Variants in PTPRS observed in about 807,000 individuals in gnomAD.
PTPRS encodes the protein receptor-type tyrosine-protein phosphatase S.
PTPRS carries 63 observed loss-of-function variants against 215.3 expected under a neutral mutation model. The observed-to-expected ratio is 0.29, with a 90% CI of 0.24 to 0.36. The LOEUF is 0.36. PTPRS is among the 10% of genes least tolerant of loss of function. The pLI is 1.00. For missense variants in PTPRS, 2,258 were observed against 2,825.8 expected, an observed-to-expected ratio of 0.80 and a Z score of 4.56; for synonymous variants, 1,404 against 1,191.4, an observed-to-expected ratio of 1.18 and a Z score of -3.68.
intron 7 of PTPRS, among the ~76,000 whole-genome samples, chr19:5,258,791 T>C (rs2045766431): frequency 6.6e-6 from 1 of 152,252 alleles, no homozygotes; most frequent in African/African-American, 2.4e-5. Flanking sequence ...GTATCAAGTA[T>C]GTTTGAGATC....
chr19:5,248,319 A>T (rs1255614372), intron 9 of PTPRS, among the ~76,000 whole-genome samples: 8 of 151,902 alleles, frequency 5.3e-5, no homozygotes, highest in African/African-American at 1.9e-4. Context: ...AAAAAGAAAG[A>T]GAGAATCTAA....
intron 1 of PTPRS, among the ~76,000 whole-genome samples, chr19:5,316,910 A>T (rs1033760531): frequency 6.6e-6 from 1 of 152,100 alleles, no homozygotes; most frequent in African/African-American, 2.4e-5. Context: ...GGCACCGGGG[A>T]CCTGGCTTCT....
intron 1 of PTPRS, among the ~76,000 whole-genome samples, chr19:5,306,354 AG>A (rs1410796433): frequency 6.6e-6 from 1 of 152,066 alleles, no homozygotes; most frequent in Non-Finnish European, 1.5e-5. Flanking sequence ...CATGTTGGCC[AG>A]GCTGGTCTCA....
At chr19:5,286,331 T>C in intron 1 of PTPRS, 97 bp from the exon 2 acceptor site, 1 of 623,130 alleles carries the variant, frequency 1.6e-6, no homozygotes, top group Non-Finnish European at 2.9e-6. Flanking sequence ...CAGGGGAGGG[T>C]CCTGCGGGGG....
At chr19:5,298,259 A>G (rs1310155094) in intron 1 of PTPRS, among the ~76,000 whole-genome samples, 3 of 152,178 alleles carry the variant, frequency 2.0e-5, no homozygotes, top group African/African-American at 4.8e-5. Flanking sequence ...GGACATTCTT[A>G]GACACAGCTG....
At chr19:5,286,865 C>CCCCTGA (rs1568570707) in intron 1 of PTPRS, among the ~76,000 whole-genome samples, 2 of 152,002 alleles carry the variant, frequency 1.3e-5, no homozygotes, top group Non-Finnish European at 2.9e-5. Flanking sequence ...AGGACCTGAG[C>CCCCTGA]CCCTGACTCA....
intron 12 of PTPRS, among the ~76,000 whole-genome samples, chr19:5,239,614 GAGAGAGAC>G (rs2043840108): frequency 6.6e-6 from 1 of 151,316 alleles, no homozygotes; most frequent in African/African-American, 2.4e-5. Flanking sequence ...AGAAACAGGG[GAGAGAGAC>G]AGACAGAAAC....
intron 29 of PTPRS, 34 bp downstream of exon 29, chr19:5,214,527 C>T (rs2041237031): frequency 1.2e-6 from 2 of 1,612,138 alleles, no homozygotes; most frequent in African/African-American, 2.7e-5. Context: ...GGCTGACTGG[C>T]AGGGGCTTGA....
intron 1 of PTPRS, among the ~76,000 whole-genome samples, chr19:5,327,950 G>C (rs1020528654): frequency 6.6e-6 from 1 of 151,994 alleles, no homozygotes. Flanking sequence ...CACTTTCTGG[G>C]GGTCCCCAGA....
intron 1 of PTPRS, among the ~76,000 whole-genome samples, chr19:5,304,344 G>A (rs540700148): frequency 6.6e-6 from 1 of 152,268 alleles, no homozygotes; most frequent in East Asian, 1.9e-4. Flanking sequence ...GCCAGGCGTG[G>A]TGGCATATGC....
rs754839223 is a variant in PTPRS, at chr19:5,244,480, G to C, written c.991C>G (p.Leu331Val). ...EAVAQITVKS[L>V]PKAPGTPMVT... ...ATGGGAGTCCCGGGAGCTTTGGGGA[G>C]AGCTGTGGGCAGGAGGCAGCTGTGT... Residue 331 changes from leucine to valine, a missense_variant and splice_region_variant, in exon 11 of 38, where the codon CTC becomes GTC. Physicochemically the swap from Leu to Val is conservative, Grantham distance 32. Transcript: ENST00000262963. This position sits in a 1 kb window ranked among gnomAD's most constrained non-coding sequence, Gnocchi z 7.2. 7 of 1,612,802 alleles carry C rather than the reference G, an allele frequency of 4.3e-6. No individual in the cohort carries two copies. In the Admixed American group the frequency reaches 1.2e-4, roughly 27 times the overall value.
At chr19:5,258,196 C>T (rs758313751) in intron 7 of PTPRS, 69 bp from the exon 8 acceptor site, 54 of 1,296,776 alleles carry the variant, frequency 4.2e-5, no homozygotes, top group African/African-American at 2.9e-5. Flanking sequence ...AAAGCTCCCC[C>T]ACCAGAGTGC....
chr19:5,229,565 G>A lies in PTPRS; in HGVS notation c.2275C>T (p.His759Tyr), dbSNP rs1305842029. 8.9e-6 allele frequency: 13 copies of A among 1,458,354 alleles called. No homozygotes were observed. The highest frequency in any genetic ancestry group is 1.1e-5 in the Non-Finnish European group (12 of 1,106,538). 90.3% of individuals were successfully genotyped at this position (1,458,354 alleles called of 1,614,324 possible). ...QHGQIRGYQV[H>Y]YVRMEGAEAR... ...TCGGCGCCCTCCATGCGCACGTAGT[G>A]GACCTGGTAGCCGCGGATCTGGCCG... Residue 759 changes from histidine (H) to tyrosine (Y), a missense_variant, in exon 15 of 38, where the codon CAC becomes TAC. His to Tyr is a moderately conservative substitution (Grantham distance 83, BLOSUM62 2). Around this residue, in one of 6 missense-constraint regions of PTPRS, gnomAD observed 371 missense variants for 446.7 expected, o/e 0.83. Transcript: ENST00000262963.
intron 2 of PTPRS, among the ~76,000 whole-genome samples, chr19:5,279,482 T>C (rs947065756): frequency 4.0e-5 from 6 of 151,758 alleles, no homozygotes; most frequent in Admixed American, 2.6e-4. Flanking sequence ...AGGGATCCTC[T>C]GGCCTCAGTC....
At chr19:5,247,660 C>T (rs773872868) in intron 9 of PTPRS, among the ~76,000 whole-genome samples, 4 of 151,932 alleles carry the variant, frequency 2.6e-5, no homozygotes, top group East Asian at 1.9e-4. Context: ...GATTTTCATA[C>T]GGGATTGGGA....
At chr19:5,263,003 G>T in intron 5 of PTPRS, 31 bp from the exon 6 acceptor site, 1 of 1,340,582 alleles carries the variant, frequency 7.5e-7, no homozygotes, top group East Asian at 4.5e-5. Context: ...GATAAGAAAA[G>T]AGAACAGGAA....
intron 14 of PTPRS, 66 bp from the exon 15 acceptor site, chr19:5,229,750 G>A: frequency 3.9e-6 from 4 of 1,026,982 alleles, no homozygotes; most frequent in Admixed American, 4.4e-5. Flanking sequence ...CCCTGCCCCG[G>A]GCAGTGCCAC....
At chr19:5,226,212 T>C (rs2042485162) in intron 16 of PTPRS, among the ~76,000 whole-genome samples, 1 of 152,132 alleles carries the variant, frequency 6.6e-6, no homozygotes, top group African/African-American at 2.4e-5. Context: ...CTCCCACCTC[T>C]CTTGGGGTCA....
intron 1 of PTPRS, among the ~76,000 whole-genome samples, chr19:5,299,665 A>T (rs1278550216): frequency 6.6e-6 from 1 of 152,148 alleles, no homozygotes; most frequent in Admixed American, 6.5e-5. Flanking sequence ...TGAGGTCAGG[A>T]GTTTGAGACC....
Sources: gnomAD v4.1 joint callset for allele counts (sites outside exome capture counted in the v4.1 genomes callset) on GRCh38, gnomAD v4.1.1 for gene constraint, gnomAD v4.1.1 regional missense constraint, Gnocchi (gnomAD v3.1) non-coding constraint, MANE v1.5 for transcripts, NCBI Gene and HGNC (gene_info 2026-07-23, HGNC 2026-07-21) for gene names.